Variants in LAMA2 observed in about 807,000 individuals in gnomAD.
LAMA2 encodes laminin subunit alpha-2.
In LAMA2, 269 loss-of-function variants were observed where a neutral mutation model predicts 364.8. The ratio of observed to expected loss-of-function variants is 0.74; its 90% CI spans 0.67 to 0.82. The LOEUF (loss-of-function observed/expected upper bound fraction) is 0.82. Among genes scored for constraint, LAMA2 ranks in the 40% least tolerant of loss-of-function variants. The pLI is 0.00. For synonymous variants in LAMA2, 1,379 were observed against 1,370.6 expected (o/e 1.01, Z -0.14); for missense variants, 3,807 against 3,873.2 (o/e 0.98, Z 0.45).
At chr6:128,902,600 G>A (rs1777157456) in intron 1 of LAMA2, among the ~76,000 whole-genome samples, 1 of 152,208 alleles carries the variant, frequency 6.6e-6, no homozygotes, top group Non-Finnish European at 1.5e-5. Flanking sequence ...TGGAAGAAAT[G>A]AGCTTTCAGT....
chr6:128,995,829 T>A (rs1402511795), intron 1 of LAMA2, among the ~76,000 whole-genome samples: 2 of 152,248 alleles, frequency 1.3e-5, no homozygotes, highest in Admixed American at 1.3e-4. Context: ...ACATAATTTA[T>A]AGACTTGACA....
At chr6:129,282,148 A>G (rs770444213) in intron 18 of LAMA2, among the ~76,000 whole-genome samples, 2 of 152,204 alleles carry the variant, frequency 1.3e-5, no homozygotes, top group Non-Finnish European at 2.9e-5. Context: ...ATGTTCCTGG[A>G]ATAAAGAATT....
At chr6:129,078,706 A>G (rs1773825305) in intron 3 of LAMA2, among the ~76,000 whole-genome samples, 1 of 152,162 alleles carries the variant, frequency 6.6e-6, no homozygotes, top group Non-Finnish European at 1.5e-5. Context: ...TTAAGTGTAC[A>G]TTGTTGTGCA....
chr6:128,890,230 A>G (rs1173922245), intron 1 of LAMA2, among the ~76,000 whole-genome samples: 1 of 152,182 alleles, frequency 6.6e-6, no homozygotes, highest in Non-Finnish European at 1.5e-5. Flanking sequence ...TACGTAGCAG[A>G]GCTGTTTAGT....
At chr6:129,432,528 C>T (rs1781647563) in intron 41 of LAMA2, among the ~76,000 whole-genome samples, 1 of 152,150 alleles carries the variant, frequency 6.6e-6, no homozygotes, top group Non-Finnish European at 1.5e-5. Flanking sequence ...GTTGTGTGTT[C>T]AGAATCAGAG....
intron 56 of LAMA2, among the ~76,000 whole-genome samples, chr6:129,489,106 T>C (rs1271989983): frequency 6.6e-6 from 1 of 152,232 alleles, no homozygotes; most frequent in African/African-American, 2.4e-5. Flanking sequence ...AAGGTTTATA[T>C]TACTAAATGT....
intron 10 of LAMA2, among the ~76,000 whole-genome samples, chr6:129,181,870 T>A (rs185637168): frequency 6.6e-6 from 1 of 151,842 alleles, no homozygotes; most frequent in African/African-American, 2.4e-5. Flanking sequence ...AGTCTACCCC[T>A]AGTAGAAAAC....
At chr6:129,437,970 T>A (rs1464645477) in intron 41 of LAMA2, among the ~76,000 whole-genome samples, 6 of 151,756 alleles carry the variant, frequency 4.0e-5, no homozygotes, top group African/African-American at 1.4e-4. Context: ...GCTAGAAAAC[T>A]TATATATGTA....
intron 11 of LAMA2, 78 bp from the exon 12 acceptor site, chr6:129,192,602 A>C (rs1781585939): frequency 2.1e-6 from 3 of 1,397,288 alleles, no homozygotes; most frequent in African/African-American, 2.8e-5. Context: ...AAAAGTGGAC[A>C]CGACCAGGAA....
intron 10 of LAMA2, among the ~76,000 whole-genome samples, chr6:129,181,735 A>T (rs1158560537): frequency 1.3e-5 from 2 of 151,908 alleles, no homozygotes; most frequent in African/African-American, 4.8e-5. Context: ...AGTTTAGCAG[A>T]AGTTGCCAAA....
intron 34 of LAMA2, among the ~76,000 whole-genome samples, chr6:129,380,660 C>T (rs913909740): frequency 6.6e-6 from 1 of 152,132 alleles, no homozygotes; most frequent in African/African-American, 2.4e-5. Flanking sequence ...TGAGGAGAAG[C>T]TCATTCTAGG....
At chr6:129,505,448 A>C in intron 61 of LAMA2, 93 bp downstream of exon 61, 1 of 948,724 alleles carries the variant, frequency 1.1e-6, no homozygotes, top group Non-Finnish European at 1.7e-6. Context: ...GCCCATGAAA[A>C]CTGATAGGTG....
chr6:129,157,178 C>T (rs1779163373), intron 8 of LAMA2, among the ~76,000 whole-genome samples: 1 of 152,128 alleles, frequency 6.6e-6, no homozygotes. Context: ...AAGGCTTTCA[C>T]AGAAAGCACC....
In LAMA2 at chr6:129,066,203, G is replaced by A. The variant is rs1024096351; in HGVS notation, c.396+6307G>A. Among the ~76,000 whole-genome samples the A allele has an allele frequency of 8.3e-4, 123 of 148,670 alleles. 1 individual carries two copies. The highest frequency in any genetic ancestry group is 2.8e-3 in the African/African-American group (112 of 40,556). Reference sequence around the variant, plus strand: ...TGGGACTACAGGCGCCCGCCACTACGCCCGGCTAATTTTTTGTATTTTTAG... The same window carrying A: ...TGGGACTACAGGCGCCCGCCACTACACCCGGCTAATTTTTTGTATTTTTAG... On this transcript the variant is annotated intron_variant, in intron 3 of 64. Coordinates refer to ENST00000421865, the MANE Select transcript of LAMA2 (RefSeq NM_000426.4).
Position 129,192,737 on chromosome 6 carries a change from C to T in LAMA2, c.1666C>T (p.Pro556Ser), listed in dbSNP as rs746185972. The T allele has an allele frequency of 4.3e-6, 7 of 1,613,986 alleles. No homozygotes were observed. The highest frequency in any genetic ancestry group is 5.1e-6 in the Non-Finnish European group (6 of 1,180,010). ...CCTTCCTGGCCGCATTCGAGTGGCT[C>T]CCCAGCAGGACGACTTGGACTCACC... ...TDLPGRIRVA[P>S]QQDDLDSPQQ... Residue 556 changes from proline to serine, a missense_variant, in exon 12 of 65, where the codon CCC becomes TCC. Transcript: ENST00000421865.
At chr6:129,293,168 G>T (rs1789838356) in intron 20 of LAMA2, 1 of 789,442 alleles carries the variant, frequency 1.3e-6, no homozygotes, top group Non-Finnish European at 1.5e-6. Context: ...CAGTTGCTAA[G>T]TGTGCAAATT....
chr6:129,456,300 G>T (rs1301244541), intron 47 of LAMA2, 35 bp from the exon 48 acceptor site: 1 of 1,597,580 alleles, frequency 6.3e-7, no homozygotes, highest in Non-Finnish European at 8.6e-7. Flanking sequence ...TTTTCTGTAT[G>T]TTCCTCCCCT....
At chr6:129,503,040 A>C (rs1488481489) in intron 59 of LAMA2, 51 bp from the exon 60 acceptor site, 2 of 1,517,702 alleles carry the variant, frequency 1.3e-6, no homozygotes, top group African/African-American at 1.4e-5. Flanking sequence ...CTATTTTAGC[A>C]TGAGAATGCT....
intron 21 of LAMA2, among the ~76,000 whole-genome samples, chr6:129,299,347 A>G (rs983184253): frequency 3.9e-5 from 6 of 152,126 alleles, no homozygotes; most frequent in African/African-American, 1.2e-4. Context: ...TTTTGTTACA[A>G]TTAGTTGAGT....
Sources: gnomAD v4.1 joint callset for allele counts (sites outside exome capture counted in the v4.1 genomes callset) on GRCh38, gnomAD v4.1.1 for gene constraint, MANE v1.5 for transcripts, NCBI Gene and HGNC (gene_info 2026-07-23, HGNC 2026-07-21) for gene names.